The following TSHZ3 variants were observed in gnomAD, a reference collection of about 807,000 sequenced individuals.
TSHZ3 encodes teashirt homolog 3.
A neutral mutation model predicts 64.5 loss-of-function variants in TSHZ3; 10 were observed. The observed-to-expected ratio is 0.16, with a 90% CI of 0.10 to 0.26. TSHZ3 has a LOEUF of 0.26. Ranked by LOEUF, TSHZ3 falls within the 10% of genes least tolerant of loss-of-function variation. The probability of loss-of-function intolerance (pLI) is 1.00; values close to 1 mark genes in which losing one functional copy is unlikely to be tolerated. For missense variants in TSHZ3, 1,242 were observed against 1,421.7 expected, an observed-to-expected ratio of 0.87 and a Z score of 2.03; for synonymous variants, 608 against 593.1, an observed-to-expected ratio of 1.03 and a Z score of -0.36.
intron 3 of TSHZ3, among the ~76,000 whole-genome samples, chr19:31,242,236 G>A (rs1413682397): frequency 2.0e-5 from 3 of 152,174 alleles, no homozygotes; most frequent in Non-Finnish European, 2.9e-5. Flanking sequence ...AGATAGATAA[G>A]TGAGAGGCTA....
At chr19:31,257,132 GA>G (rs1462460454) in intron 1 of TSHZ3, among the ~76,000 whole-genome samples, 3 of 152,172 alleles carry the variant, frequency 2.0e-5, no homozygotes, top group Non-Finnish European at 4.4e-5. Flanking sequence ...GAGAGCCAGA[GA>G]TGGCTGCACA....
chr19:31,212,667 G>A (rs1254971389), intron 4 of TSHZ3, among the ~76,000 whole-genome samples: 2 of 152,110 alleles, frequency 1.3e-5, no homozygotes, highest in Middle Eastern at 3.4e-3. Flanking sequence ...ATGCAAAATG[G>A]AACAGCCACT....
intron 5 of TSHZ3, among the ~76,000 whole-genome samples, chr19:31,187,962 G>A (rs946557023): frequency 3.3e-5 from 5 of 151,978 alleles, no homozygotes; most frequent in Admixed American, 3.3e-4. Flanking sequence ...GAAGTCTGCT[G>A]GAATTTCTAT....
At chr19:31,329,460 G>A (rs893611894) in intron 1 of TSHZ3, among the ~76,000 whole-genome samples, 4 of 152,216 alleles carry the variant, frequency 2.6e-5, no homozygotes, top group East Asian at 1.9e-4. Flanking sequence ...AAGTTTACTT[G>A]CACAAACATT....
At chr19:31,163,489 T>G (rs888906860) in intron 5 of TSHZ3, among the ~76,000 whole-genome samples, 2 of 152,134 alleles carry the variant, frequency 1.3e-5, no homozygotes, top group African/African-American at 4.8e-5. Flanking sequence ...CCCAGCACTT[T>G]GGGAGGCCGA....
At chr19:31,220,089 C>A (rs1472460603) in intron 4 of TSHZ3, among the ~76,000 whole-genome samples, 3 of 152,060 alleles carry the variant, frequency 2.0e-5, no homozygotes, top group Non-Finnish European at 4.4e-5. Flanking sequence ...TCCTTTTCAA[C>A]AAACAGTGGT....
chr19:31,290,555 G>A (rs1976545715), intron 1 of TSHZ3, among the ~76,000 whole-genome samples: 1 of 152,140 alleles, frequency 6.6e-6, no homozygotes, highest in African/African-American at 2.4e-5. Context: ...TACCGAGGAG[G>A]TGACAATTCA....
At chr19:31,261,726 C>T (rs772212106) in intron 1 of TSHZ3, among the ~76,000 whole-genome samples, 1 of 152,156 alleles carries the variant, frequency 6.6e-6, no homozygotes, top group Non-Finnish European at 1.5e-5. Context: ...GGGTTTCCTG[C>T]TTACAGAAAC....
At chr19:31,349,876 T>G (rs2021656328), upstream of TSHZ3, among the ~76,000 whole-genome samples, 2 of 142,942 alleles carry the variant, frequency 1.4e-5, no homozygotes. Flanking sequence ...GATGATCGTG[T>G]CAATCGCCCG....
At chr19:31,186,929 T>C (rs1390824027) in intron 5 of TSHZ3, among the ~76,000 whole-genome samples, 2 of 150,896 alleles carry the variant, frequency 1.3e-5, no homozygotes, top group African/African-American at 2.5e-5. Context: ...GAATTCCTTA[T>C]ATATTCTGAA....
At chr19:31,198,678 A>G (rs1024134028) in intron 5 of TSHZ3, among the ~76,000 whole-genome samples, 5 of 152,216 alleles carry the variant, frequency 3.3e-5, no homozygotes, top group Non-Finnish European at 5.9e-5. Flanking sequence ...TACCGTTTAT[A>G]TTAATACCCC....
chr19:31,303,172 G>C (rs1976781328), intron 1 of TSHZ3, among the ~76,000 whole-genome samples: 1 of 152,112 alleles, frequency 6.6e-6, no homozygotes, highest in Non-Finnish European at 1.5e-5. Flanking sequence ...CTAATGGGTG[G>C]GGTTGACAAC....
At position 31,183,210 on chromosome 19, in the gene TSHZ3, CTCTCTCTCTCTCTCTCTT is replaced by C. The variant is rs1447387323; in HGVS notation, n.809+21728_809+21745del. On this transcript the variant is annotated intron_variant and non_coding_transcript_variant, in intron 5 of 6. Transcript: ENST00000651361. ...TCTCTCTCTCTCTCTCTCTCTCTCT[CTCTCTCTCTCTCTCTCTT>C]TCTCTCTCTCTCTCCATCCTTAGAG... Among the ~76,000 whole-genome samples, 35 of 89,504 alleles carry C rather than the reference CTCTCTCTCTCTCTCTCTT, an allele frequency of 3.9e-4. 1 individual carries two copies. Among genetic ancestry groups the C allele is most frequent in the Middle Eastern group, 5.3e-3 (1 of 190 alleles). The allele number at this position is 89,504 out of a possible 152,430, so 58.7% of individuals were successfully genotyped here.
chr19:31,162,856 G>A (rs1433277835), intron 5 of TSHZ3, among the ~76,000 whole-genome samples: 2 of 152,188 alleles, frequency 1.3e-5, no homozygotes, highest in Admixed American at 6.5e-5. Context: ...GAGAGACCCC[G>A]AGACCTGGAA....
chr19:31,330,407 C>T (rs1450805786), intron 1 of TSHZ3, among the ~76,000 whole-genome samples: 6 of 152,184 alleles, frequency 3.9e-5, no homozygotes, highest in Non-Finnish European at 7.3e-5. Context: ...GCTGCTTGGC[C>T]GTACCTTGAG....
At chr19:31,154,510 G>C (rs927210796) in intron 6 of TSHZ3, among the ~76,000 whole-genome samples, 1 of 152,184 alleles carries the variant, frequency 6.6e-6, no homozygotes, top group Non-Finnish European at 1.5e-5. Flanking sequence ...CCAGGTTCCT[G>C]TCACATGACC....
At chr19:31,155,688 C>A (rs925753442) in intron 6 of TSHZ3, among the ~76,000 whole-genome samples, 1 of 152,166 alleles carries the variant, frequency 6.6e-6, no homozygotes, top group African/African-American at 2.4e-5. Context: ...GGCTTTCAGA[C>A]ACACACCCAA....
chr19:31,228,651 T>C (rs1188245666), intron 3 of TSHZ3, among the ~76,000 whole-genome samples: 2 of 152,170 alleles, frequency 1.3e-5, no homozygotes, highest in Non-Finnish European at 2.9e-5. Context: ...ACTTTCTTCC[T>C]TGAGCTGGGA....
Position 31,187,276 on chromosome 19 carries a change from CTTTTGAGGTTGACT to C in TSHZ3, n.809+17666_809+17679del, listed in dbSNP as rs1974826685. Among the ~76,000 whole-genome samples the C allele has an allele frequency of 2.6e-5, 4 of 152,158 alleles. No homozygotes were observed. The South Asian group carries it at 8.3e-4, about 32-fold the overall frequency. On this transcript the variant is annotated intron_variant and non_coding_transcript_variant, in intron 5 of 6. Transcript: ENST00000651361. ...TAAATGGAATCACACCATATGTAAC[CTTTTGAGGTTGACT>C]TCTTTCACTCAGCATCTCTGAGATT...
Sources: allele counts gnomAD v4.1 joint callset (sites outside exome capture counted in the v4.1 genomes callset), GRCh38; gene constraint gnomAD v4.1.1; transcripts MANE v1.5; gene names NCBI Gene and HGNC (gene_info 2026-07-23, HGNC 2026-07-21).